CAMTA1: variants seen among roughly 807,000 people sequenced by gnomAD.
The protein encoded by CAMTA1 is calmodulin-binding transcription activator 1.
CAMTA1 carries 27 observed loss-of-function variants against 170.9 expected under a neutral mutation model. That is an observed-to-expected ratio of 0.16 (90% CI 0.12 to 0.22). CAMTA1 has a LOEUF of 0.22. Ranked by LOEUF, CAMTA1 falls within the 10% of genes least tolerant of loss-of-function variation. The pLI is 1.00. For missense variants in CAMTA1, 1,619 were observed against 2,217.2 expected (o/e 0.73, Z 5.42); for synonymous variants, 833 against 891.5 (o/e 0.93, Z 1.17).
intron 5 of CAMTA1, among the ~76,000 whole-genome samples, chr1:7,327,542 G>GT (rs914245766): frequency 2.0e-5 from 3 of 152,100 alleles, no homozygotes; most frequent in African/African-American, 7.2e-5. Context: ...TGAGGAGAAG[G>GT]TTTTTTTAAG....
chr1:7,742,069 C>T (rs187381903), intron 16 of CAMTA1, among the ~76,000 whole-genome samples: 3 of 148,906 alleles, frequency 2.0e-5, no homozygotes, highest in East Asian at 2.0e-4. Flanking sequence ...AATAGATAAA[C>T]GAGTATAAAA....
intron 1 of CAMTA1, among the ~76,000 whole-genome samples, chr1:6,791,640 T>G (rs1245656054): frequency 6.6e-6 from 1 of 152,188 alleles, no homozygotes; most frequent in Non-Finnish European, 1.5e-5. Flanking sequence ...AGTACTGCCT[T>G]TAGTTTTTGG....
chr1:7,298,543 A>G (rs2149537433), intron 5 of CAMTA1, among the ~76,000 whole-genome samples: 1 of 152,248 alleles, frequency 6.6e-6, no homozygotes, highest in South Asian at 2.1e-4. Context: ...CACCATCTAC[A>G]GGGGCGGAAT....
At chr1:7,442,829 G>A (rs2092581628) in intron 5 of CAMTA1, among the ~76,000 whole-genome samples, 1 of 152,240 alleles carries the variant, frequency 6.6e-6, no homozygotes. Flanking sequence ...TACTGTGCTG[G>A]TATTTAGAGA....
intron 11 of CAMTA1, among the ~76,000 whole-genome samples, chr1:7,701,231 A>G (rs1330699150): frequency 6.6e-6 from 1 of 152,118 alleles, no homozygotes; most frequent in Non-Finnish European, 1.5e-5. Flanking sequence ...CTTACCCTCT[A>G]TGGAATATCC....
rs779649844 is a variant in CAMTA1 at position 7,249,599 on chromosome 1, C to T, written c.411C>T (p.His137=). The T allele has an allele frequency of 6.2e-7, 1 of 1,614,102 alleles. No homozygotes were observed. Among genetic ancestry groups the T allele is most frequent in the Admixed American group, 1.7e-5 (1 of 60,016 alleles). The change falls in exon 5 of 23, where the codon CAC becomes CAT. Residue 137 remains histidine, a synonymous_variant. Coordinates refer to ENST00000303635, the MANE Select transcript of CAMTA1 (RefSeq NM_015215.4). The surrounding 1 kb of genome is among the most constrained non-coding windows in gnomAD (Gnocchi z 4.4). ...RKDGKTTRED[H]MKLKVQGVEC... ...ATGGGAAAACGACCAGAGAGGACCA[C>T]ATGAAACTCAAGGTCCAGGGAGTGG...
intron 1 of CAMTA1, among the ~76,000 whole-genome samples, chr1:6,790,347 G>A (rs1640704319): frequency 6.6e-6 from 1 of 150,922 alleles, no homozygotes; most frequent in Non-Finnish European, 1.5e-5. Flanking sequence ...CCCAGACTGT[G>A]TGCAGAGTGT....
chr1:7,655,515 T>G (rs1273660500), intron 7 of CAMTA1, among the ~76,000 whole-genome samples: 1 of 101,632 alleles, frequency 9.8e-6, no homozygotes, highest in Admixed American at 1.2e-4. Context: ...CACACACCTA[T>G]GTACACACCC....
intron 3 of CAMTA1, among the ~76,000 whole-genome samples, chr1:6,961,660 G>A (rs1690436751): frequency 6.6e-6 from 1 of 152,184 alleles, no homozygotes; most frequent in Non-Finnish European, 1.5e-5. Flanking sequence ...CACTGGCAGT[G>A]ACCTTTCTTA....
At chr1:6,957,994 G>A (rs527287192) in intron 3 of CAMTA1, among the ~76,000 whole-genome samples, 5 of 152,254 alleles carry the variant, frequency 3.3e-5, no homozygotes, top group Admixed American at 3.3e-4. Flanking sequence ...CACTGGACTC[G>A]GCCTGCACCT....
intron 5 of CAMTA1, among the ~76,000 whole-genome samples, chr1:7,430,083 G>A (rs1316533963): frequency 6.6e-6 from 1 of 152,170 alleles, no homozygotes; most frequent in Non-Finnish European, 1.5e-5. Flanking sequence ...TCCAAAGGTG[G>A]CAAATCTGCT....
intron 11 of CAMTA1, among the ~76,000 whole-genome samples, chr1:7,698,084 C>G (rs1023736392): frequency 8.4e-5 from 12 of 142,904 alleles, no homozygotes; most frequent in African/African-American, 2.3e-4. Context: ...ACCCCCCCCC[C>G]CCCCACCAAC....
At chr1:7,377,788 G>A (rs1448413932) in intron 5 of CAMTA1, among the ~76,000 whole-genome samples, 6 of 152,140 alleles carry the variant, frequency 3.9e-5, no homozygotes, top group South Asian at 2.1e-4. Flanking sequence ...AGTGATAGTG[G>A]TGTGCACCTG....
chr1:7,069,491 T>C (rs1638313679), intron 3 of CAMTA1, among the ~76,000 whole-genome samples: 2 of 152,178 alleles, frequency 1.3e-5, no homozygotes, highest in Non-Finnish European at 2.9e-5. Flanking sequence ...CAGTAGTTGC[T>C]GGGAGAATAA....
intron 4 of CAMTA1, among the ~76,000 whole-genome samples, chr1:7,201,600 T>A (rs1656711968): frequency 6.6e-6 from 1 of 152,188 alleles, no homozygotes; most frequent in African/African-American, 2.4e-5. Flanking sequence ...TGTCATCTCT[T>A]TATGGTTTTG....
intron 3 of CAMTA1, among the ~76,000 whole-genome samples, chr1:6,839,868 G>C (rs1321464779): frequency 6.6e-6 from 1 of 152,190 alleles, no homozygotes; most frequent in Non-Finnish European, 1.5e-5. Flanking sequence ...GGTGAGGTAG[G>C]TAAGGGCTAG....
At chr1:6,930,621 G>A (rs902490843) in intron 3 of CAMTA1, among the ~76,000 whole-genome samples, 95 of 152,266 alleles carry the variant, frequency 6.2e-4, no homozygotes, top group African/African-American at 2.1e-3. Context: ...GCAGGTCTAT[G>A]CTGTACCCCC....
chr1:7,476,793 G>A (rs548989187), intron 6 of CAMTA1, among the ~76,000 whole-genome samples: 1 of 152,260 alleles, frequency 6.6e-6, no homozygotes, highest in East Asian at 1.9e-4. Context: ...GACAGCAGTG[G>A]CCATCCTCAT....
chr1:7,599,631 A>G (rs1442937486), intron 6 of CAMTA1, among the ~76,000 whole-genome samples: 2 of 152,172 alleles, frequency 1.3e-5, no homozygotes, highest in Non-Finnish European at 2.9e-5. Flanking sequence ...AGTGGTTTGT[A>G]GTTCTCCTTG....
Sources: allele counts gnomAD v4.1 joint callset (sites outside exome capture counted in the v4.1 genomes callset), GRCh38; gene constraint gnomAD v4.1.1; non-coding constraint Gnocchi (gnomAD v3.1); transcripts MANE v1.5; gene names NCBI Gene and HGNC (gene_info 2026-07-23, HGNC 2026-07-21).